The following ATG10 variants were observed in gnomAD, a reference collection of about 807,000 sequenced individuals.
The protein encoded by ATG10 is ubiquitin-like-conjugating enzyme ATG10.
In ATG10, 30 loss-of-function variants were observed where a neutral mutation model predicts 32.1. The observed-to-expected ratio is 0.94, with a 90% CI of 0.70 to 1.27. The LOEUF is 1.27. Ranked by LOEUF, ATG10 falls within the 50% of genes most tolerant of loss-of-function variation. The pLI, the probability that ATG10 is intolerant of heterozygous loss-of-function variation, is 0.00. For missense variants in ATG10, 233 were observed against 262.3 expected (o/e 0.89, Z 0.77); for synonymous variants, 87 against 91.5 (o/e 0.95, Z 0.28).
intron 1 of ATG10, among the ~76,000 whole-genome samples, chr5:81,983,384 CGGA>C (rs1761127416): frequency 7.0e-6 from 1 of 142,338 alleles, no homozygotes. Context: ...CCTCACCTCC[CGGA>C]CGGGGTGGCT....
At chr5:81,990,721 C>T (rs1009436537) in intron 2 of ATG10, among the ~76,000 whole-genome samples, 4 of 152,150 alleles carry the variant, frequency 2.6e-5, no homozygotes, top group African/African-American at 9.7e-5. Context: ...GGTATTGAAA[C>T]ATTACAATAA....
chr5:82,206,491 A>G (rs1178818927), intron 5 of ATG10, among the ~76,000 whole-genome samples: 1 of 152,024 alleles, frequency 6.6e-6, no homozygotes, highest in Non-Finnish European at 1.5e-5. Context: ...ACTTAAAAAA[A>G]TACAAAAAAT....
chr5:82,082,964 C>T (rs899568120), intron 3 of ATG10, among the ~76,000 whole-genome samples: 3 of 152,216 alleles, frequency 2.0e-5, no homozygotes, highest in Non-Finnish European at 4.4e-5. Flanking sequence ...GCATTTCCAA[C>T]TGAGGTACCG....
chr5:82,007,084 C>A (rs963292096), intron 2 of ATG10, among the ~76,000 whole-genome samples: 2 of 152,070 alleles, frequency 1.3e-5, no homozygotes, highest in Non-Finnish European at 2.9e-5. Context: ...GATCTCTTGA[C>A]CTCGTGATCT....
At chr5:82,181,439 A>G (rs908279719) in intron 5 of ATG10, among the ~76,000 whole-genome samples, 3 of 152,094 alleles carry the variant, frequency 2.0e-5, no homozygotes. Flanking sequence ...CAGATTGGTT[A>G]ATGGGTTGGT....
chr5:82,162,835 C>T (rs981499197), intron 3 of ATG10, among the ~76,000 whole-genome samples: 2 of 3,480 alleles, frequency 5.7e-4, no homozygotes, highest in East Asian at 6.8e-3. Context: ...TAAGCAGGGG[C>T]GGGGGTGGGG....
At chr5:82,200,463 C>CT (rs764388608) in intron 5 of ATG10, among the ~76,000 whole-genome samples, 5,496 of 52,572 alleles carry the variant, frequency 0.1, 1,736 homozygotes, top group Non-Finnish European at 0.14. Flanking sequence ...TCCCTAACTT[C>CT]TTTTTTTTTT....
chr5:82,045,066 G>A (rs1020130306), intron 2 of ATG10, among the ~76,000 whole-genome samples: 3 of 152,098 alleles, frequency 2.0e-5, no homozygotes, highest in East Asian at 1.9e-4. Flanking sequence ...TTTCTCTAGC[G>A]GGGATACTTA....
chr5:82,004,429 A>G (rs1761934130), intron 2 of ATG10, among the ~76,000 whole-genome samples: 1 of 152,128 alleles, frequency 6.6e-6, no homozygotes, highest in Admixed American at 6.5e-5. Context: ...AGTTATAGGA[A>G]ATCAGGAGAT....
rs192881827 is a variant in ATG10 at position 82,048,406 on chromosome 5, T to C, written c.109-10089T>C. Among the ~76,000 whole-genome samples, 874 of 151,518 alleles carry C rather than the reference T, an allele frequency of 5.8e-3. 7 individuals are homozygous for C. Among genetic ancestry groups the C allele is most frequent in the African/African-American group, 0.02 (819 of 41,216 alleles). On this transcript the variant is annotated intron_variant, in intron 2 of 7. Coordinates refer to ENST00000282185, the MANE Select transcript of ATG10 (RefSeq NM_031482.5). Reference sequence around the variant, plus strand: ...TCTTTTATTTCCTTGAGCAGTGGTTTGTAGTTCTCCTTGAAGAGGTCCTTC... The same window carrying C: ...TCTTTTATTTCCTTGAGCAGTGGTTCGTAGTTCTCCTTGAAGAGGTCCTTC...
chr5:81,973,397 G>A (rs1458458210), intron 1 of ATG10: 1 of 152,130 alleles, frequency 6.6e-6, no homozygotes, highest in Non-Finnish European at 1.5e-5. Context: ...CAAAGTACTG[G>A]GATCACAGGC....
At chr5:82,114,068 A>G (rs916639892) in intron 3 of ATG10, among the ~76,000 whole-genome samples, 1 of 152,036 alleles carries the variant, frequency 6.6e-6, no homozygotes, top group African/African-American at 2.4e-5. Flanking sequence ...TACATTATAT[A>G]AATTTTCCTT....
intron 5 of ATG10, among the ~76,000 whole-genome samples, chr5:82,223,537 A>G (rs567602229): frequency 3.3e-4 from 51 of 152,342 alleles, no homozygotes; most frequent in African/African-American, 1.2e-3. Flanking sequence ...TCAATCACCA[A>G]TAACCAACAA....
At chr5:81,993,364 T>TTTCTTTCTTTC (rs374179266) in intron 2 of ATG10, among the ~76,000 whole-genome samples, 4 of 34,184 alleles carry the variant, frequency 1.2e-4, no homozygotes, top group African/African-American at 3.5e-4. Context: ...TCTTTCCTTC[T>TTTCTTTCTTTC]TTTCTTTTCT....
At chr5:82,016,674 G>A (rs78368347) in intron 2 of ATG10, among the ~76,000 whole-genome samples, 11,244 of 151,338 alleles carry the variant, frequency 0.074, 1,309 homozygotes, top group African/African-American at 0.25. Context: ...TTTTGGCAGT[G>A]TGGTCATTTT....
At chr5:82,164,615 T>C in intron 4 of ATG10, 78 bp downstream of exon 4, 1 of 1,376,240 alleles carries the variant, frequency 7.3e-7, no homozygotes, top group Non-Finnish European at 1.0e-6. Flanking sequence ...AAAATTATTC[T>C]CCAGAGGAAA....
intron 2 of ATG10, among the ~76,000 whole-genome samples, chr5:82,050,528 G>A (rs1340217979): frequency 2.0e-5 from 3 of 151,724 alleles, no homozygotes; most frequent in African/African-American, 7.3e-5. Context: ...AGGTTGATTC[G>A]AAATTTGAAC....
chr5:81,978,485 C>G (rs1208325804), intron 1 of ATG10, among the ~76,000 whole-genome samples: 1 of 152,152 alleles, frequency 6.6e-6, no homozygotes, highest in Non-Finnish European at 1.5e-5. Context: ...AGTCCTACTA[C>G]CCACTGTTCA....
chr5:82,043,091 C>T (rs1012933284), intron 2 of ATG10, among the ~76,000 whole-genome samples: 8 of 152,252 alleles, frequency 5.3e-5, no homozygotes, highest in African/African-American at 1.9e-4. Context: ...TCCACCCCTG[C>T]AGCAGACTTC....
Sources: allele counts gnomAD v4.1 joint callset (sites outside exome capture counted in the v4.1 genomes callset), GRCh38; gene constraint gnomAD v4.1.1; transcripts MANE v1.5; gene names NCBI Gene and HGNC (gene_info 2026-07-23, HGNC 2026-07-21).